NR2F1-AS1: variants seen among roughly 807,000 people sequenced by gnomAD.
NR2F1-AS1 encodes NR2F1 antisense RNA 1.
intron 4 of NR2F1-AS1, among the ~76,000 whole-genome samples, chr5:93,494,653 A>G (rs1359902319): frequency 6.6e-6 from 1 of 152,108 alleles, no homozygotes; most frequent in African/African-American, 2.4e-5. Flanking sequence ...TAGAAATAAG[A>G]ACCCTGGTAA....
At chr5:93,463,387 T>C (rs911254105) in intron 4 of NR2F1-AS1, among the ~76,000 whole-genome samples, 1 of 152,320 alleles carries the variant, frequency 6.6e-6, no homozygotes, top group Admixed American at 6.5e-5. Flanking sequence ...TGCCCGGATG[T>C]CCAGGCAGAA....
chr5:93,566,323 TACTACC>T (rs1437187558), intron 1 of NR2F1-AS1, among the ~76,000 whole-genome samples: 2 of 152,000 alleles, frequency 1.3e-5, no homozygotes, highest in East Asian at 3.8e-4. Flanking sequence ...TTGCATAGAC[TACTACC>T]ATAGCACAAT....
chr5:93,522,411 T>C (rs1175714829), intron 4 of NR2F1-AS1, among the ~76,000 whole-genome samples: 3 of 152,226 alleles, frequency 2.0e-5, no homozygotes, highest in Admixed American at 1.3e-4. Flanking sequence ...ATACTGTTTG[T>C]TGATAAATTT....
At chr5:93,544,012 G>C (rs1382626713) in intron 4 of NR2F1-AS1, 2 of 152,254 alleles carry the variant, frequency 1.3e-5, no homozygotes, top group East Asian at 3.9e-4. Flanking sequence ...ACAGTTCAAT[G>C]GTCATTAGAT....
intron 4 of NR2F1-AS1, among the ~76,000 whole-genome samples, chr5:93,472,979 A>G (rs931543469): frequency 3.9e-5 from 6 of 151,916 alleles, no homozygotes; most frequent in African/African-American, 1.2e-4. Context: ...ATTTTTGCCT[A>G]TTTTTACCAA....
chr5:93,495,521 T>C (rs1009217210), intron 4 of NR2F1-AS1, among the ~76,000 whole-genome samples: 4 of 152,086 alleles, frequency 2.6e-5, no homozygotes, highest in South Asian at 4.1e-4. Flanking sequence ...GAAACCTAAA[T>C]GTTTACAGAT....
chr5:93,583,296 T>TC (rs749552272), upstream of NR2F1-AS1: 25 of 147,072 alleles, frequency 1.7e-4, no homozygotes, highest in Admixed American at 8.3e-4. Context: ...TCTCTCTCTC[T>TC]TCTTCTCTTC....
At chr5:93,522,564 G>T (rs114671975) in intron 4 of NR2F1-AS1, among the ~76,000 whole-genome samples, 1 of 152,218 alleles carries the variant, frequency 6.6e-6, no homozygotes, top group African/African-American at 2.4e-5. Flanking sequence ...CAAGATGGCC[G>T]AATAGGAAGA....
intron 4 of NR2F1-AS1, among the ~76,000 whole-genome samples, chr5:93,526,379 G>A (rs1751615368): frequency 6.6e-6 from 1 of 152,120 alleles, no homozygotes; most frequent in Admixed American, 6.5e-5. Context: ...CAAAAGCGCA[G>A]GACCAAAGAG....
At chr5:93,549,778 G>A (rs1472780778) in intron 4 of NR2F1-AS1, among the ~76,000 whole-genome samples, 2 of 152,058 alleles carry the variant, frequency 1.3e-5, no homozygotes, top group Non-Finnish European at 2.9e-5. Flanking sequence ...GGAATACTAT[G>A]CAGCCATAAA....
intron 4 of NR2F1-AS1, among the ~76,000 whole-genome samples, chr5:93,550,674 A>G (rs1332411564): frequency 6.6e-6 from 1 of 152,214 alleles, no homozygotes; most frequent in Non-Finnish European, 1.5e-5. Flanking sequence ...CCACCCTGAA[A>G]TCCGAAGGCA....
At chr5:93,425,824 T>C (rs950586371) in intron 4 of NR2F1-AS1, among the ~76,000 whole-genome samples, 2 of 152,062 alleles carry the variant, frequency 1.3e-5, no homozygotes, top group Non-Finnish European at 2.9e-5. Context: ...TATAATGTCT[T>C]ATAAAGTCTC....
intron 4 of NR2F1-AS1, among the ~76,000 whole-genome samples, chr5:93,471,352 G>A (rs983289377): frequency 6.6e-6 from 1 of 151,738 alleles, no homozygotes; most frequent in Non-Finnish European, 1.5e-5. Context: ...TTATCCTAAG[G>A]CAATATTCAG....
intron 4 of NR2F1-AS1, chr5:93,409,921 CTTAA>C (rs936675542): frequency 2.0e-4 from 30 of 152,084 alleles, no homozygotes; most frequent in Admixed American, 1.6e-3. Flanking sequence ...GTATTGGCAG[CTTAA>C]TTAAGAAGTC....
At chr5:93,497,902 A>G (rs1437605972) in intron 4 of NR2F1-AS1, among the ~76,000 whole-genome samples, 2 of 152,224 alleles carry the variant, frequency 1.3e-5, no homozygotes, top group East Asian at 3.8e-4. Context: ...ATTATAAAAC[A>G]TCTCATTTTC....
chr5:93,517,136 C>T (rs1276326260), intron 4 of NR2F1-AS1, among the ~76,000 whole-genome samples: 1 of 151,768 alleles, frequency 6.6e-6, no homozygotes, highest in Non-Finnish European at 1.5e-5. Flanking sequence ...TATCATCTTC[C>T]CTAAAACTCC....
At chr5:93,489,079 A>C (rs896845739) in intron 4 of NR2F1-AS1, among the ~76,000 whole-genome samples, 1 of 152,058 alleles carries the variant, frequency 6.6e-6, no homozygotes, top group Non-Finnish European at 1.5e-5. Context: ...GGGGAACATC[A>C]CACAGTGGGG....
intron 4 of NR2F1-AS1, among the ~76,000 whole-genome samples, chr5:93,462,529 C>T (rs1033325953): frequency 6.6e-6 from 1 of 152,032 alleles, no homozygotes; most frequent in Non-Finnish European, 1.5e-5. Flanking sequence ...TAAAGATACC[C>T]AAAAATGTGA....
At chr5:93,475,944 T>C in intron 4 of NR2F1-AS1, among the ~76,000 whole-genome samples, 1 of 152,176 alleles carries the variant, frequency 6.6e-6, no homozygotes, top group East Asian at 1.9e-4. Flanking sequence ...ACTACTAGAG[T>C]TTAGTCACTG....
Sources: allele counts gnomAD v4.1 joint callset (sites outside exome capture counted in the v4.1 genomes callset), GRCh38; gene constraint gnomAD v4.1.1; transcripts MANE v1.5; gene names NCBI Gene and HGNC (gene_info 2026-07-23, HGNC 2026-07-21).